The following ABCC8 variants were observed in gnomAD, a reference collection of about 807,000 sequenced individuals.
The protein encoded by ABCC8 is ATP binding cassette subfamily C member 8, also known as ATP-binding cassette sub-family C member 8.
In ABCC8, 137 loss-of-function variants were observed where a neutral mutation model predicts 188.0. The observed-to-expected ratio is 0.73, with a 90% CI of 0.63 to 0.84. The LOEUF is 0.84. ABCC8 is among the 40% of genes least tolerant of loss of function. ABCC8 has a pLI of 0.00. For missense variants in ABCC8, 1,750 were observed against 2,072.7 expected (o/e 0.84, Z 3.02); for synonymous variants, 797 against 846.5 (o/e 0.94, Z 1.01).
At chr11:17,472,769 G>A (rs1848549323) in intron 2 of ABCC8, among the ~76,000 whole-genome samples, 1 of 152,132 alleles carries the variant, frequency 6.6e-6, no homozygotes, top group South Asian at 2.1e-4. Flanking sequence ...TCCCTGGACC[G>A]ATTCATTCCA....
intron 37 of ABCC8, 132 bp downstream of exon 37, chr11:17,394,134 C>A: frequency 8.0e-7 from 1 of 1,254,270 alleles, no homozygotes; most frequent in Non-Finnish European, 1.2e-6. Flanking sequence ...CAGCTCTTTT[C>A]ATTTTCTGCA....
At position 17,410,674 on chromosome 11, in the gene ABCC8, G is replaced by T. The variant is rs373677148; in HGVS notation, c.2557-21C>A. ...TCATCCTGGGCAGAAGGGAGAGGAA[G>T]AGAGTAGAGGGTAGGGAAAGGCATG... On this transcript the variant is annotated intron_variant, in intron 21 of 38. Coordinates refer to ENST00000389817, the MANE Select transcript of ABCC8 (RefSeq NM_000352.6). 46 of 1,613,892 alleles carry T rather than the reference G, an allele frequency of 2.9e-5. No individual in the cohort carries two copies. In the African/African-American group the frequency reaches 5.7e-4, roughly 20 times the overall value.
intron 11 of ABCC8, 100 bp from the exon 12 acceptor site, chr11:17,431,059 G>A: frequency 6.5e-7 from 1 of 1,544,374 alleles, no homozygotes; most frequent in Non-Finnish European, 8.8e-7. Flanking sequence ...AGGGCTGTCA[G>A]GGAGCAGGCT....
intron 8 of ABCC8, among the ~76,000 whole-genome samples, chr11:17,446,321 C>A (rs1310111453): frequency 6.6e-6 from 1 of 152,078 alleles, no homozygotes; most frequent in Non-Finnish European, 1.5e-5. Flanking sequence ...TGTCTTGTAG[C>A]CTTTTGAATG....
intron 3 of ABCC8, among the ~76,000 whole-genome samples, chr11:17,465,075 G>A (rs75587771): frequency 0.014 from 2,089 of 152,286 alleles, 50 homozygotes; most frequent in African/African-American, 0.048. Context: ...ATCCACCTTG[G>A]GTCCCTGCAG....
At chr11:17,451,480 G>A (rs554631620) in intron 7 of ABCC8, among the ~76,000 whole-genome samples, 2 of 152,342 alleles carry the variant, frequency 1.3e-5, no homozygotes, top group South Asian at 4.1e-4. Flanking sequence ...TGCACAACTT[G>A]GGAGGGCACC....
intron 19 of ABCC8, among the ~76,000 whole-genome samples, chr11:17,414,061 A>G (rs1954945806): frequency 6.6e-6 from 1 of 152,222 alleles, no homozygotes; most frequent in South Asian, 2.1e-4. Context: ...TAGAGTGGGA[A>G]TAACAATAAT....
intron 14 of ABCC8, 142 bp downstream of exon 14, chr11:17,428,147 G>A (rs1955671366): frequency 6.5e-7 from 1 of 1,548,504 alleles, no homozygotes; most frequent in South Asian, 1.2e-5. Flanking sequence ...GGTGGTCCCT[G>A]GTTTCTGGAC....
intron 6 of ABCC8, among the ~76,000 whole-genome samples, chr11:17,457,916 AAC>A (rs1262565947): frequency 6.6e-6 from 1 of 152,168 alleles, no homozygotes; most frequent in Non-Finnish European, 1.5e-5. Context: ...CAGACTGTGA[AAC>A]ACTGCAACAT....
chr11:17,407,883 C>G (rs1327594641), intron 23 of ABCC8, among the ~76,000 whole-genome samples: 1 of 152,110 alleles, frequency 6.6e-6, no homozygotes, highest in Non-Finnish European at 1.5e-5. Flanking sequence ...AGTTGTTGAG[C>G]TGGGAGAATG....
rs2133532661 is a variant in ABCC8, at chr11:17,427,287, C to A, written c.2117-133G>T. The A allele has an allele frequency of 1.5e-6, 2 of 1,364,830 alleles. No individual in the cohort carries two copies. The highest frequency in any genetic ancestry group is 1.9e-6 in the Non-Finnish European group (2 of 1,050,806). The allele number at this position is 1,364,830 out of a possible 1,614,324, so 84.5% of individuals were successfully genotyped here. A position where few individuals can be genotyped will look rare whatever the true frequency, so the allele number is the denominator to read the frequency against. Reference sequence around the variant, plus strand: ...CTTTCTTCCTACCTAGAATCCCCAGCAAGTCCTCTCCCTCTTTAATCCTTT... The same window carrying A: ...CTTTCTTCCTACCTAGAATCCCCAGAAAGTCCTCTCCCTCTTTAATCCTTT... On this transcript the variant is annotated intron_variant, in intron 15 of 38. Transcript: ENST00000389817. The surrounding 1 kb of genome is among the most constrained non-coding windows in gnomAD (Gnocchi z 5.0).
chr11:17,425,664 T>C (rs955110637), intron 16 of ABCC8, among the ~76,000 whole-genome samples: 1 of 152,170 alleles, frequency 6.6e-6, no homozygotes, highest in Admixed American at 6.5e-5. Context: ...TTTCTTACCT[T>C]TTTAAAGGGT....
chr11:17,407,350 G>A lies in ABCC8; in HGVS notation c.2920+4C>T, dbSNP rs1421736388. 2 of 1,614,162 alleles carry A rather than the reference G, an allele frequency of 1.2e-6. No homozygotes were observed. Among genetic ancestry groups the A allele is most frequent in the African/African-American group, 1.3e-5 (1 of 75,022 alleles). ...AATTTCACTCCCAGTCCCATTGCCT[G>A]TACCTTCCTCCTCTTCCTCATCCTG... is the stretch of plus-strand genomic sequence containing the variant. On this transcript the variant is annotated splice_donor_region_variant and intron_variant, in intron 24 of 38. Coordinates refer to ENST00000389817, the MANE Select transcript of ABCC8 (RefSeq NM_000352.6).
intron 16 of ABCC8, among the ~76,000 whole-genome samples, chr11:17,421,505 G>C (rs1955341939): frequency 6.6e-6 from 1 of 152,166 alleles, no homozygotes. Context: ...CGGATACAGT[G>C]AGACAAACAA....
intron 8 of ABCC8, among the ~76,000 whole-genome samples, chr11:17,445,250 G>C (rs1956478418): frequency 6.6e-6 from 1 of 152,232 alleles, no homozygotes; most frequent in African/African-American, 2.4e-5. Flanking sequence ...GTTTGAGCAA[G>C]CATTTATTTT....
rs1329687908 is a variant in ABCC8 at position 17,395,708 on chromosome 11, G to C, written c.4209C>G (p.Ile1403Met). 1 of 1,554,908 alleles carries C rather than the reference G, an allele frequency of 6.4e-7. No homozygotes were observed. The highest frequency in any genetic ancestry group is 1.9e-5 in the Admixed American group (1 of 51,318). ...RMVDTFEGHIIIDGIDIAKLP... is the reference protein window; with the variant it reads ...RMVDTFEGHIMIDGIDIAKLP... ...GTTTGGCGATGTCAATGCCATCAAT[G>C]ATGATGTGCCCTGCATGGGTCCCAG... is the stretch of plus-strand genomic sequence containing the variant. The change falls in exon 35 of 39, where the codon ATC (isoleucine) becomes ATG (methionine). Residue 1403 changes from isoleucine (I) to methionine (M), a missense_variant. By Grantham distance (10) the Ile-to-Met change is conservative. Coordinates refer to ENST00000389817, the MANE Select transcript of ABCC8 (RefSeq NM_000352.6).
intron 19 of ABCC8, 121 bp downstream of exon 19, chr11:17,414,391 A>G: frequency 7.1e-7 from 1 of 1,402,038 alleles, no homozygotes; most frequent in Non-Finnish European, 1.0e-6. Flanking sequence ...GAGTGCAGGT[A>G]AGCACCTGGG....
intron 11 of ABCC8, 84 bp downstream of exon 11, chr11:17,432,120 A>C (rs569236488): frequency 6.5e-7 from 1 of 1,527,822 alleles, no homozygotes; most frequent in East Asian, 2.5e-5. Flanking sequence ...CCCTGTGCAG[A>C]AAGGCCAAAT....
At position 17,427,741 on chromosome 11, in the gene ABCC8, A is replaced by C. The variant is rs1290656984; in HGVS notation, c.2116+126T>G. On this transcript the variant is annotated intron_variant, in intron 15 of 38. Transcript: ENST00000389817. This position sits in a 1 kb window ranked among gnomAD's most constrained non-coding sequence, Gnocchi z 5.0. ...ATGTAGCCTTCCCCTTCTATAATATACCCAGGGCATACACCAAGAATGAGC... is the reference window on the plus strand; with the variant it reads ...ATGTAGCCTTCCCCTTCTATAATATCCCCAGGGCATACACCAAGAATGAGC... 7.7e-7 allele frequency: 1 copy of C among 1,303,792 alleles called. No homozygotes were observed. Among genetic ancestry groups the C allele is most frequent in the Non-Finnish European group, 1.1e-6 (1 of 944,206 alleles). 80.8% of individuals were successfully genotyped at this position (1,303,792 alleles called of 1,614,324 possible).
Sources: gnomAD v4.1 joint callset for allele counts (sites outside exome capture counted in the v4.1 genomes callset) on GRCh38, gnomAD v4.1.1 for gene constraint, Gnocchi (gnomAD v3.1) non-coding constraint, MANE v1.5 for transcripts, NCBI Gene and HGNC (gene_info 2026-07-23, HGNC 2026-07-21) for gene names.